Variants in SPOCK3 observed in about 807,000 individuals in gnomAD.
The protein encoded by SPOCK3 is SPARC (osteonectin), cwcv and kazal like domains proteoglycan 3.
SPOCK3 carries 30 observed loss-of-function variants against 56.6 expected under a neutral mutation model. The observed-to-expected ratio is 0.53, with a 90% CI of 0.40 to 0.72. SPOCK3 has a LOEUF of 0.72. Ranked by LOEUF, SPOCK3 falls within the 30% of genes least tolerant of loss-of-function variation. The pLI is 0.00. For synonymous variants in SPOCK3, 196 were observed against 183.3 expected (o/e 1.07, Z -0.56); for missense variants, 527 against 530.0 (o/e 0.99, Z 0.06).
At chr4:167,230,511 A>AC (rs1554056861) in intron 2 of SPOCK3, among the ~76,000 whole-genome samples, 1 of 151,348 alleles carries the variant, frequency 6.6e-6, no homozygotes, top group Non-Finnish European at 1.5e-5. Context: ...AAAAAAAAAA[A>AC]AAAAAAAAAC....
At chr4:166,978,300 T>C (rs1483794065) in intron 4 of SPOCK3, among the ~76,000 whole-genome samples, 2 of 152,010 alleles carry the variant, frequency 1.3e-5, no homozygotes, top group African/African-American at 4.8e-5. Flanking sequence ...AACTGGGAAA[T>C]GGCAAGCAGA....
In SPOCK3 at chr4:166,884,467, A is replaced by T. The variant is rs1027009189; in HGVS notation, c.589+4663T>A. Among the ~76,000 whole-genome samples the T allele has an allele frequency of 2.0e-5, 3 of 152,206 alleles. No individual in the cohort carries two copies. The East Asian group carries it at 5.8e-4, about 29-fold the overall frequency. ...TCAATGTACAAATATTTTGCAAAAT[A>T]TGCAAATACATACTATTAAGTATAG... On this transcript the variant is annotated intron_variant, in intron 6 of 10. Transcript: ENST00000357545.
chr4:166,850,719 A>G (rs1468373750), intron 6 of SPOCK3, among the ~76,000 whole-genome samples: 1 of 152,256 alleles, frequency 6.6e-6, no homozygotes, highest in Non-Finnish European at 1.5e-5. Flanking sequence ...CGGCACCTGG[A>G]AAATCGGGTC....
rs199951118 is a variant in SPOCK3, at chr4:166,793,322, C to T, written c.590-1033G>A. 4.6e-5 allele frequency among the ~76,000 whole-genome samples: 7 copies of T among 152,106 alleles called. No homozygotes were observed. In the East Asian group the frequency reaches 1.2e-3, roughly 25 times the overall value. On this transcript the variant is annotated intron_variant, in intron 6 of 10. Transcript: ENST00000357545. ...AATGTAATTGGATGTAATACCATCCCAGACCATTTCCTAGCTCTAAAGTAG... is the reference window on the plus strand; with the variant it reads ...AATGTAATTGGATGTAATACCATCCTAGACCATTTCCTAGCTCTAAAGTAG...
At chr4:167,015,534 A>C (rs2150152515) in intron 3 of SPOCK3, among the ~76,000 whole-genome samples, 1 of 152,304 alleles carries the variant, frequency 6.6e-6, no homozygotes, top group African/African-American at 2.4e-5. Context: ...CAATTGCAAG[A>C]ATAATAAACT....
intron 4 of SPOCK3, among the ~76,000 whole-genome samples, chr4:166,966,770 T>C (rs1330664651): frequency 6.6e-6 from 1 of 152,156 alleles, no homozygotes; most frequent in Non-Finnish European, 1.5e-5. Flanking sequence ...AATAACATTA[T>C]TATTTAAAAA....
intron 6 of SPOCK3, among the ~76,000 whole-genome samples, chr4:166,860,273 G>A (rs1731095948): frequency 6.6e-6 from 1 of 151,996 alleles, no homozygotes; most frequent in Non-Finnish European, 1.5e-5. Context: ...AGAATCTTTT[G>A]TTTGATAAGT....
chr4:166,782,096 T>G (rs1740240946), intron 7 of SPOCK3, among the ~76,000 whole-genome samples: 1 of 152,120 alleles, frequency 6.6e-6, no homozygotes, highest in Non-Finnish European at 1.5e-5. Context: ...ACTTGTTTGT[T>G]TTGGGAACAT....
intron 5 of SPOCK3, among the ~76,000 whole-genome samples, chr4:166,899,588 C>A (rs1402455849): frequency 1.4e-5 from 2 of 146,514 alleles, no homozygotes; most frequent in Non-Finnish European, 3.0e-5. Flanking sequence ...CTTACTGCAA[C>A]CTCTGCCTCC....
At chr4:167,065,058 A>AAAAAAAAAAAAAAAAAAAAAAAAAAAC (rs1755993512) in intron 2 of SPOCK3, among the ~76,000 whole-genome samples, 1 of 142,338 alleles carries the variant, frequency 7.0e-6, no homozygotes, top group Non-Finnish European at 1.6e-5. Context: ...AAAAAAAAAA[A>AAAAAAAAAAAAAAAAAAAAAAAAAAAC]AAGTCAAACG....
intron 4 of SPOCK3, chr4:166,918,222 A>G (rs757861828): frequency 6.6e-6 from 1 of 152,220 alleles, no homozygotes; most frequent in Non-Finnish European, 1.5e-5. Context: ...TGAGAAAATT[A>G]TATAAAAGCT....
At chr4:167,112,214 G>A (rs981982934) in intron 2 of SPOCK3, among the ~76,000 whole-genome samples, 1 of 152,100 alleles carries the variant, frequency 6.6e-6, no homozygotes, top group Non-Finnish European at 1.5e-5. Flanking sequence ...TAAATCATAT[G>A]AATCCCCTAG....
intron 2 of SPOCK3, among the ~76,000 whole-genome samples, chr4:167,118,288 A>T (rs61210808): frequency 6.6e-6 from 1 of 152,132 alleles, no homozygotes; most frequent in African/African-American, 2.4e-5. Flanking sequence ...CATCTTATTT[A>T]GGTGCTTTCT....
At chr4:167,107,839 T>G (rs986689129) in intron 2 of SPOCK3, among the ~76,000 whole-genome samples, 2 of 151,666 alleles carry the variant, frequency 1.3e-5, no homozygotes, top group African/African-American at 2.4e-5. Flanking sequence ...GTAACCCCAT[T>G]TAAAATAGCC....
At chr4:166,945,835 T>C (rs1023841517) in intron 4 of SPOCK3, among the ~76,000 whole-genome samples, 2 of 152,112 alleles carry the variant, frequency 1.3e-5, no homozygotes, top group African/African-American at 4.8e-5. Context: ...CTCCTTACCC[T>C]ACATGGGAAT....
chr4:166,766,913 T>A, intron 7 of SPOCK3, among the ~76,000 whole-genome samples: 1 of 152,164 alleles, frequency 6.6e-6, no homozygotes, highest in Non-Finnish European at 1.5e-5. Flanking sequence ...TTGTTTAGTC[T>A]TGGGAGAGTG....
intron 3 of SPOCK3, among the ~76,000 whole-genome samples, chr4:167,009,060 TG>T (rs1195227572): frequency 6.6e-6 from 1 of 152,324 alleles, no homozygotes; most frequent in Non-Finnish European, 1.5e-5. Context: ...CTTTTTCTTT[TG>T]TATAACTAAT....
rs745549274 is a variant in SPOCK3 at position 166,779,632 on chromosome 4, G to A, written c.709+12538C>T. ...TAAATAGAACCTCAGGGAACTGTTA[G>A]GTAATATCAAGTGCTATGACATATA... is the stretch of plus-strand genomic sequence containing the variant. On this transcript the variant is annotated intron_variant, in intron 7 of 10. Transcript: ENST00000357545. Among the ~76,000 whole-genome samples, 164 of 152,128 alleles carry A rather than the reference G, an allele frequency of 1.1e-3. 1 individual carries two copies. Among genetic ancestry groups the A allele is most frequent in the Non-Finnish European group, 2.3e-3 (153 of 67,966 alleles).
intron 4 of SPOCK3, among the ~76,000 whole-genome samples, chr4:166,932,235 T>C (rs1408555911): frequency 6.6e-6 from 1 of 152,210 alleles, no homozygotes; most frequent in South Asian, 2.1e-4. Context: ...CCATGAGTTA[T>C]TAATCAGTAT....
Sources: gnomAD v4.1 joint callset for allele counts (sites outside exome capture counted in the v4.1 genomes callset) on GRCh38, gnomAD v4.1.1 for gene constraint, MANE v1.5 for transcripts, NCBI Gene and HGNC (gene_info 2026-07-23, HGNC 2026-07-21) for gene names.